The following WDPCP variants were observed in gnomAD, a reference collection of about 807,000 sequenced individuals.
The protein encoded by WDPCP is WD repeat containing planar cell polarity effector.
In WDPCP, 71 loss-of-function variants were observed where a neutral mutation model predicts 93.1. The ratio of observed to expected loss-of-function variants is 0.76; its 90% CI spans 0.63 to 0.93. The LOEUF is 0.93. Ranked by LOEUF, WDPCP falls within the 40% of genes least tolerant of loss-of-function variation. The pLI is 0.00. For synonymous variants in WDPCP, 315 were observed against 315.0 expected (o/e 1.00, Z 0.00); for missense variants, 844 against 887.4 (o/e 0.95, Z 0.62).
intron 2 of WDPCP, among the ~76,000 whole-genome samples, chr2:63,695,859 T>G (rs1668953876): frequency 6.6e-6 from 1 of 152,148 alleles, no homozygotes; most frequent in Admixed American, 6.6e-5. Flanking sequence ...AAGTATAAAC[T>G]AGTTTTGCTT....
rs1464203622 is a variant in WDPCP at position 63,563,082 on chromosome 2, G to GC, written c.75+25114dup. Reference sequence around the variant, plus strand: ...ACACATACATACATACATACATACAGCCCACTGCTGGTGCAATGACTGAAA... The same window carrying GC: ...ACACATACATACATACATACATACAGCCCCACTGCTGGTGCAATGACTGAAA... On this transcript the variant is annotated intron_variant, in intron 1 of 17. Coordinates refer to ENST00000272321, the MANE Select transcript of WDPCP (RefSeq NM_015910.7). 2.6e-5 allele frequency among the ~76,000 whole-genome samples: 4 copies of GC among 152,148 alleles called. No individual in the cohort carries two copies. The East Asian group carries it at 7.7e-4, about 29-fold the overall frequency.
chr2:63,135,388 G>A (rs1486150380), intron 17 of WDPCP, among the ~76,000 whole-genome samples: 5 of 152,178 alleles, frequency 3.3e-5, no homozygotes, highest in Non-Finnish European at 7.4e-5. Flanking sequence ...CTGGAGTGCA[G>A]TGGCGCGATC....
intron 2 of WDPCP, among the ~76,000 whole-genome samples, chr2:63,651,683 C>G (rs550514817): frequency 6.6e-6 from 1 of 152,274 alleles, no homozygotes; most frequent in East Asian, 1.9e-4. Context: ...ACCGGCCTTA[C>G]TGAGGGTAAT....
At chr2:63,758,203 C>T (rs1277843486) in intron 2 of WDPCP, among the ~76,000 whole-genome samples, 1 of 151,616 alleles carries the variant, frequency 6.6e-6, no homozygotes, top group East Asian at 1.9e-4. Context: ...CAGCCCAGCA[C>T]CACTGAATTG....
chr2:63,304,823 G>A (rs550377569), intron 13 of WDPCP, among the ~76,000 whole-genome samples: 6 of 152,210 alleles, frequency 3.9e-5, no homozygotes, highest in Admixed American at 1.3e-4. Flanking sequence ...CACCCCCATG[G>A]AGCCCAGCAA....
At chr2:63,450,000 T>A (rs1292417423) in intron 6 of WDPCP, among the ~76,000 whole-genome samples, 3 of 152,002 alleles carry the variant, frequency 2.0e-5, no homozygotes, top group Non-Finnish European at 4.4e-5. Context: ...GAAAGAAGAG[T>A]GCAGTGCACC....
intron 3 of WDPCP, among the ~76,000 whole-genome samples, chr2:63,616,259 G>A (rs1212970368): frequency 6.6e-6 from 1 of 152,136 alleles, no homozygotes; most frequent in Non-Finnish European, 1.5e-5. Context: ...AAGGGAGAGG[G>A]GGAGTTCCTT....
chr2:63,557,079 G>A (rs1706186355), intron 1 of WDPCP, among the ~76,000 whole-genome samples: 1 of 152,154 alleles, frequency 6.6e-6, no homozygotes, highest in East Asian at 1.9e-4. Context: ...GAAGTACAAA[G>A]ACCAATGACA....
intron 2 of WDPCP, among the ~76,000 whole-genome samples, chr2:63,488,736 T>A (rs1432319320): frequency 6.6e-6 from 1 of 151,970 alleles, no homozygotes; most frequent in African/African-American, 2.4e-5. Context: ...GCAGACAATA[T>A]CTCCATTAAA....
At chr2:63,714,584 C>G (rs546362852) in intron 2 of WDPCP, among the ~76,000 whole-genome samples, 1 of 152,232 alleles carries the variant, frequency 6.6e-6, no homozygotes, top group South Asian at 2.1e-4. Context: ...AATACCAGCA[C>G]TTTGGGAGGC....
At chr2:63,621,044 A>C (rs550795510) in intron 3 of WDPCP, among the ~76,000 whole-genome samples, 1 of 152,340 alleles carries the variant, frequency 6.6e-6, no homozygotes, top group Non-Finnish European at 1.5e-5. Flanking sequence ...AAGGTAGATA[A>C]ATCCACAAAG....
At chr2:63,649,655 CCTT>C (rs1710087755) in intron 3 of WDPCP, among the ~76,000 whole-genome samples, 1 of 152,294 alleles carries the variant, frequency 6.6e-6, no homozygotes, top group East Asian at 1.9e-4. Flanking sequence ...TAATATTTGT[CCTT>C]CTTAAATTTC....
At position 63,453,126 on chromosome 2, in the gene WDPCP, C is replaced by G. The variant is rs1698372805; in HGVS notation, c.385-13255G>C. 2.6e-5 allele frequency among the ~76,000 whole-genome samples: 4 copies of G among 152,102 alleles called. 1 individual carries two copies. Among genetic ancestry groups the G allele is most frequent in the Admixed American group, 2.6e-4 (4 of 15,268 alleles). ...ATTAAACTAAAGAGCTTCTGCACAGCAAAAGAAACTACCATCAGACTGAAC... is the reference window on the plus strand; with the variant it reads ...ATTAAACTAAAGAGCTTCTGCACAGGAAAAGAAACTACCATCAGACTGAAC... On this transcript the variant is annotated intron_variant, in intron 6 of 17. Transcript: ENST00000272321.
At chr2:63,234,185 C>T (rs1374674826) in intron 14 of WDPCP, among the ~76,000 whole-genome samples, 1 of 152,220 alleles carries the variant, frequency 6.6e-6, no homozygotes. Flanking sequence ...AGTTCTTGCA[C>T]CAATCAGTAT....
intron 10 of WDPCP, among the ~76,000 whole-genome samples, chr2:63,387,554 T>C (rs1387121443): frequency 4.6e-5 from 7 of 152,090 alleles, no homozygotes; most frequent in Non-Finnish European, 7.4e-5. Flanking sequence ...GGGCAAAAGC[T>C]GGAAAACTGG....
chr2:63,536,773 CTTTT>C (rs58661370), intron 1 of WDPCP, among the ~76,000 whole-genome samples: 2 of 93,634 alleles, frequency 2.1e-5, no homozygotes, highest in East Asian at 4.2e-4. Flanking sequence ...ATTCTTCATG[CTTTT>C]TTTTTTTTTT....
intron 15 of WDPCP, among the ~76,000 whole-genome samples, chr2:63,168,036 CAGG>C (rs1317219950): frequency 7.0e-6 from 1 of 142,266 alleles, no homozygotes; most frequent in Admixed American, 7.7e-5. Context: ...CACCTGAGCC[CAGG>C]AGGTCAAGAC....
chr2:63,781,843 C>G (rs1238855586), intron 2 of WDPCP, among the ~76,000 whole-genome samples: 1 of 152,128 alleles, frequency 6.6e-6, no homozygotes, highest in Non-Finnish European at 1.5e-5. Context: ...GCCCAGGACC[C>G]AGGAACTCTC....
At chr2:63,133,368 AT>A (rs1177323402) in intron 17 of WDPCP, among the ~76,000 whole-genome samples, 1 of 152,168 alleles carries the variant, frequency 6.6e-6, no homozygotes, top group African/African-American at 2.4e-5. Context: ...TCAGGGATCA[AT>A]TCTTCAGGCA....
Sources: allele counts gnomAD v4.1 joint callset (sites outside exome capture counted in the v4.1 genomes callset), GRCh38; gene constraint gnomAD v4.1.1; transcripts MANE v1.5; gene names NCBI Gene and HGNC (gene_info 2026-07-23, HGNC 2026-07-21).